ASTN2: variants seen among roughly 807,000 people sequenced by gnomAD.
ASTN2 encodes the protein astrotactin 2.
ASTN2 carries 54 observed loss-of-function variants against 139.8 expected under a neutral mutation model. That is an observed-to-expected ratio of 0.39 (90% CI 0.31 to 0.48). ASTN2 has a LOEUF of 0.48. Among genes scored for constraint, ASTN2 ranks in the 20% least tolerant of loss-of-function variants. The pLI, the probability that ASTN2 is intolerant of heterozygous loss-of-function variation, is 0.95. For missense variants in ASTN2, 1,565 were observed against 1,725.1 expected, an observed-to-expected ratio of 0.91 and a Z score of 1.64; for synonymous variants, 756 against 719.5, an observed-to-expected ratio of 1.05 and a Z score of -0.81.
chr9:117,162,170 C>T (rs1406484629), intron 3 of ASTN2, among the ~76,000 whole-genome samples: 1 of 152,028 alleles, frequency 6.6e-6, no homozygotes, highest in Non-Finnish European at 1.5e-5. Context: ...TCTATCCTAT[C>T]AGGGGAAGAA....
intron 16 of ASTN2, among the ~76,000 whole-genome samples, chr9:116,672,464 C>T (rs1038889272): frequency 6.6e-6 from 1 of 152,132 alleles, no homozygotes; most frequent in Non-Finnish European, 1.5e-5. Flanking sequence ...CTCCTATATT[C>T]TCTTCCTCCT....
intron 7 of ASTN2, among the ~76,000 whole-genome samples, chr9:116,993,674 AAT>A (rs978419529): frequency 2.7e-5 from 4 of 148,110 alleles, no homozygotes; most frequent in Non-Finnish European, 5.9e-5. Context: ...ATAGTAACGA[AAT>A]ATATTTAGTA....
At chr9:117,283,900 T>G (rs935163879) in intron 2 of ASTN2, among the ~76,000 whole-genome samples, 3 of 152,110 alleles carry the variant, frequency 2.0e-5, no homozygotes, top group African/African-American at 7.2e-5. Context: ...TAATGGTATT[T>G]CTCAAAGTTT....
At chr9:116,636,391 C>A (rs1344612892) in intron 17 of ASTN2, among the ~76,000 whole-genome samples, 1 of 152,174 alleles carries the variant, frequency 6.6e-6, no homozygotes, top group Non-Finnish European at 1.5e-5. Flanking sequence ...TGTACTTAGA[C>A]TTGCTGGGTG....
chr9:116,804,260 A>T (rs1335456391), intron 13 of ASTN2, among the ~76,000 whole-genome samples: 1 of 152,136 alleles, frequency 6.6e-6, no homozygotes, highest in African/African-American at 2.4e-5. Context: ...CTGGAGTTAC[A>T]TCTGATTCCT....
At chr9:117,368,286 T>C (rs1003021947) in intron 1 of ASTN2, among the ~76,000 whole-genome samples, 10 of 149,004 alleles carry the variant, frequency 6.7e-5, no homozygotes, top group East Asian at 2.2e-4. Context: ...TGCGCACACA[T>C]GTGCATGCAC....
intron 13 of ASTN2, among the ~76,000 whole-genome samples, chr9:116,756,798 CAT>C (rs1491015523): frequency 6.0e-4 from 91 of 151,418 alleles, no homozygotes; most frequent in African/African-American, 1.9e-3. Context: ...CACACACACA[CAT>C]ACACACACAC....
chr9:117,373,137 G>A lies in ASTN2; in HGVS notation c.442+41360C>T, dbSNP rs550849860. Among the ~76,000 whole-genome samples, 34 of 152,256 alleles carry A rather than the reference G, an allele frequency of 2.2e-4. No individual in the cohort carries two copies. The South Asian group carries it at 2.7e-3, about 12-fold the overall frequency. On this transcript the variant is annotated intron_variant, in intron 1 of 22. Coordinates refer to ENST00000313400, the MANE Select transcript of ASTN2 (RefSeq NM_001365068.1). ...TTATTGAGGGCTAAGTATGAGCCAC[G>A]CATTTAAAATTTATCTAATTTTATG...
chr9:116,477,723 C>T (rs1849028848), intron 20 of ASTN2, among the ~76,000 whole-genome samples: 1 of 150,950 alleles, frequency 6.6e-6, no homozygotes, highest in South Asian at 2.1e-4. Flanking sequence ...CATACAGACA[C>T]AAAAAGACAG....
intron 5 of ASTN2, among the ~76,000 whole-genome samples, chr9:117,085,140 G>T (rs1364337937): frequency 6.6e-6 from 1 of 152,136 alleles, no homozygotes; most frequent in Non-Finnish European, 1.5e-5. Context: ...GGCCTTGGAT[G>T]TTGTAGTTTG....
At chr9:117,016,651 TA>T (rs1837706234) in intron 6 of ASTN2, among the ~76,000 whole-genome samples, 1 of 108,608 alleles carries the variant, frequency 9.2e-6, no homozygotes. Flanking sequence ...TATATATATA[TA>T]TATAACCTAT....
intron 6 of ASTN2, among the ~76,000 whole-genome samples, chr9:117,036,546 A>T (rs987276767): frequency 1.3e-5 from 2 of 152,004 alleles, no homozygotes; most frequent in Non-Finnish European, 2.9e-5. Flanking sequence ...CTACACTCCA[A>T]TCATCTCCTC....
chr9:117,137,421 G>A (rs1829978970), intron 4 of ASTN2, among the ~76,000 whole-genome samples: 1 of 152,158 alleles, frequency 6.6e-6, no homozygotes, highest in Non-Finnish European at 1.5e-5. Context: ...CTCAATGGCA[G>A]GAGAGGGCAG....
intron 7 of ASTN2, among the ~76,000 whole-genome samples, chr9:116,980,415 C>T (rs1836480039): frequency 6.6e-6 from 1 of 151,928 alleles, no homozygotes; most frequent in African/African-American, 2.4e-5. Context: ...AAAGTGTTTC[C>T]TTCCCTTTAA....
chr9:117,212,220 T>C (rs996463400), intron 3 of ASTN2, among the ~76,000 whole-genome samples: 3 of 152,068 alleles, frequency 2.0e-5, no homozygotes, highest in African/African-American at 7.2e-5. Context: ...TGCAGAAGAA[T>C]GAAATTAGAC....
intron 1 of ASTN2, among the ~76,000 whole-genome samples, chr9:117,410,204 C>T (rs1010650639): frequency 5.3e-5 from 8 of 152,166 alleles, no homozygotes; most frequent in Non-Finnish European, 1.0e-4. Context: ...ACAGTCTTGC[C>T]TGACCACTAT....
At chr9:117,025,686 C>T (rs377303060) in intron 6 of ASTN2, among the ~76,000 whole-genome samples, 5 of 152,096 alleles carry the variant, frequency 3.3e-5, no homozygotes, top group East Asian at 1.9e-4. Context: ...TTCAGAGATC[C>T]GGCAAATTAA....
rs540764860 is a variant in ASTN2, at chr9:116,779,266, T to C, written c.2396+26366A>G. ...TCTCATTAATAAATTCAAGCCTTTA[T>C]AAGAGAGCTTAACAGAGGGGGTTTG... On this transcript the variant is annotated intron_variant, in intron 13 of 22. Transcript: ENST00000313400. Among the ~76,000 whole-genome samples the C allele has an allele frequency of 5.9e-5, 9 of 152,278 alleles. No homozygotes were observed. The South Asian group carries it at 1.9e-3, about 32-fold the overall frequency.
At chr9:116,859,527 C>G (rs6478259) in intron 11 of ASTN2, among the ~76,000 whole-genome samples, 1 of 152,222 alleles carries the variant, frequency 6.6e-6, no homozygotes, top group South Asian at 2.1e-4. Context: ...GCAATAGAAG[C>G]ATCTGTGATC....
Sources: gnomAD v4.1 joint callset for allele counts (sites outside exome capture counted in the v4.1 genomes callset) on GRCh38, gnomAD v4.1.1 for gene constraint, MANE v1.5 for transcripts, NCBI Gene and HGNC (gene_info 2026-07-23, HGNC 2026-07-21) for gene names.